RNF41: variants seen among roughly 807,000 people sequenced by gnomAD.
RNF41 encodes the protein E3 ubiquitin-protein ligase NRDP1.
Under a neutral mutation model 33.0 loss-of-function variants are expected in RNF41, and 4 were observed. That is an observed-to-expected ratio of 0.12 (90% CI 0.06 to 0.28). The LOEUF (loss-of-function observed/expected upper bound fraction) is 0.28. Ranked by LOEUF, RNF41 falls within the 10% of genes least tolerant of loss-of-function variation. The pLI is 1.00. For synonymous variants in RNF41, 164 were observed against 153.2 expected (o/e 1.07, Z -0.52); for missense variants, 228 against 432.6 (o/e 0.53, Z 4.19).
At position 56,206,245 on chromosome 12, in the gene RNF41, T is replaced by G. The variant is rs1434180122; in HGVS notation, c.*202A>C. ...AATTTATAGACATTTTAGGGGAATATGGCAAAGGGAGGAAATCTGGGTTTC... is the reference window on the plus strand; with the variant it reads ...AATTTATAGACATTTTAGGGGAATAGGGCAAAGGGAGGAAATCTGGGTTTC... On this transcript the variant is annotated 3_prime_UTR_variant, in exon 7 of 7. Coordinates refer to ENST00000345093, the MANE Select transcript of RNF41 (RefSeq NM_005785.4). This position sits in a 1 kb window ranked among gnomAD's most constrained non-coding sequence, Gnocchi z 5.7. 3.1e-5 allele frequency: 18 copies of G among 575,340 alleles called. No homozygotes were observed. The East Asian group carries it at 4.8e-4, about 15-fold the overall frequency. The allele number at this position is 575,340 out of a possible 1,614,324, so 35.6% of individuals were successfully genotyped here. A position where few individuals can be genotyped will look rare whatever the true frequency, so the allele number is the denominator to read the frequency against.
At chr12:56,217,294 C>T (rs1868976670) in intron 1 of RNF41, among the ~76,000 whole-genome samples, 1 of 152,078 alleles carries the variant, frequency 6.6e-6, no homozygotes, top group Non-Finnish European at 1.5e-5. Context: ...CGCCTGTGAT[C>T]CCAGCACTTT....
chr12:56,214,435 A>C (rs374712154), intron 2 of RNF41, among the ~76,000 whole-genome samples: 6 of 151,540 alleles, frequency 4.0e-5, no homozygotes, highest in East Asian at 3.9e-4. Flanking sequence ...CAGGAGAAGC[A>C]TTTGAACCCA....
At chr12:56,214,828 TA>T (rs529496845) in intron 2 of RNF41, among the ~76,000 whole-genome samples, 17 of 146,442 alleles carry the variant, frequency 1.2e-4, no homozygotes, top group African/African-American at 2.3e-4. Context: ...GACTCTGCCT[TA>T]AAAAAAAAAG....
At chr12:56,220,214 T>G (rs1869261954) in intron 1 of RNF41, among the ~76,000 whole-genome samples, 1 of 151,516 alleles carries the variant, frequency 6.6e-6, no homozygotes, top group East Asian at 2.0e-4. Flanking sequence ...GTTTTGTTTT[T>G]TTTGGCGGGG....
rs930478175 is a variant in RNF41 at position 56,216,542 on chromosome 12, G to C, written c.-137C>G. On this transcript the variant is annotated 5_prime_UTR_variant, in exon 2 of 7. Coordinates refer to ENST00000345093, the MANE Select transcript of RNF41 (RefSeq NM_005785.4). ...TAACCCATCTTGTTGGCTATTCTCC[G>C]ACTGAGTATTCCTTCCCAGTGACAA... is the stretch of plus-strand genomic sequence containing the variant. The C allele has an allele frequency of 6.6e-6, 1 of 152,222 alleles. No individual in the cohort carries two copies. Among genetic ancestry groups the C allele is most frequent in the South Asian group, 2.1e-4 (1 of 4,832 alleles). 9.4% of individuals were successfully genotyped at this position (152,222 alleles called of 1,614,324 possible). A position where few individuals can be genotyped will look rare whatever the true frequency, so the allele number is the denominator to read the frequency against.
intron 1 of RNF41, among the ~76,000 whole-genome samples, chr12:56,221,304 A>T (rs1324247902): frequency 6.6e-6 from 1 of 152,066 alleles, no homozygotes; most frequent in African/African-American, 2.4e-5. Flanking sequence ...GCGGGGAAGG[A>T]ATGAGAGGAC....
At chr12:56,209,795 G>A (rs1039873542) in intron 4 of RNF41, among the ~76,000 whole-genome samples, 1 of 152,220 alleles carries the variant, frequency 6.6e-6, no homozygotes, top group Non-Finnish European at 1.5e-5. Context: ...GTAGAGACAA[G>A]GTTTTGCCAT....
At chr12:56,221,259 A>G (rs752192865) in intron 1 of RNF41, among the ~76,000 whole-genome samples, 2 of 152,202 alleles carry the variant, frequency 1.3e-5, no homozygotes, top group Admixed American at 6.5e-5. Context: ...GAAGAATGTG[A>G]GATTCCTTCA....
chr12:56,206,908 TC>T lies in RNF41; in HGVS notation c.603-111del. On this transcript the variant is annotated intron_variant, in intron 6 of 6. Coordinates refer to ENST00000345093, the MANE Select transcript of RNF41 (RefSeq NM_005785.4). This position sits in a 1 kb window ranked among gnomAD's most constrained non-coding sequence, Gnocchi z 5.7. ...ACTCTGCACTCAGCTTACCTATTCT[TC>T]CTTCTTTCCTTCCATCATTGGCTCA... 1 of 953,572 alleles carries T rather than the reference TC, an allele frequency of 1.0e-6. No homozygotes were observed. The highest frequency in any genetic ancestry group is 1.5e-6 in the Non-Finnish European group (1 of 655,270). The allele number at this position is 953,572 out of a possible 1,614,324, so 59.1% of individuals were successfully genotyped here.
chr12:56,206,368 G>A lies in RNF41; in HGVS notation c.*79C>T, dbSNP rs1254853867. On this transcript the variant is annotated 3_prime_UTR_variant, in exon 7 of 7. Coordinates refer to ENST00000345093, the MANE Select transcript of RNF41 (RefSeq NM_005785.4). The surrounding 1 kb of genome is among the most constrained non-coding windows in gnomAD (Gnocchi z 5.7). ...TATAAGCCACAGTATTAAGAATGGT[G>A]GGTAGGACTCAGGTCCCAGCTGCTG... 8.3e-7 allele frequency: 1 copy of A among 1,209,838 alleles called. No homozygotes were observed. Among genetic ancestry groups the A allele is most frequent in the African/African-American group, 1.5e-5 (1 of 66,360 alleles). The allele number at this position is 1,209,838 out of a possible 1,614,324, so 74.9% of individuals were successfully genotyped here. A position where few individuals can be genotyped will look rare whatever the true frequency, so the allele number is the denominator to read the frequency against.
intron 3 of RNF41, among the ~76,000 whole-genome samples, chr12:56,212,808 C>T (rs1868574892): frequency 6.6e-6 from 1 of 152,056 alleles, no homozygotes; most frequent in African/African-American, 2.4e-5. Flanking sequence ...GTTAGGTGAG[C>T]AGTGAATGGG....
chr12:56,206,160 G>T lies in RNF41; in HGVS notation c.*287C>A, dbSNP rs1868261900. The T allele has an allele frequency of 2.7e-6, 1 of 367,562 alleles. No individual in the cohort carries two copies. Among genetic ancestry groups the T allele is most frequent in the East Asian group, 5.1e-5 (1 of 19,638 alleles). The allele number at this position is 367,562 out of a possible 1,614,324, so 22.8% of individuals were successfully genotyped here. A position where few individuals can be genotyped will look rare whatever the true frequency, so the allele number is the denominator to read the frequency against. ...TCTTTGTGCTTTCTGAAAATAACTG[G>T]AACCAGGGACCCTAAGCAGGAAAAT... On this transcript the variant is annotated 3_prime_UTR_variant, in exon 7 of 7. Transcript: ENST00000345093. The surrounding 1 kb of genome is among the most constrained non-coding windows in gnomAD (Gnocchi z 5.7).
chr12:56,213,031 GGAT>G, intron 3 of RNF41: 1 of 1,289,738 alleles, frequency 7.8e-7, no homozygotes, highest in Non-Finnish European at 1.0e-6. Flanking sequence ...ACTTGCCCCA[GGAT>G]GATACAACTG....
chr12:56,210,705 T>C lies in RNF41; in HGVS notation c.91-137A>G, dbSNP rs7962107. On this transcript the variant is annotated intron_variant, in intron 3 of 6. Transcript: ENST00000345093. ...AGAGGTCCACTGGGTCACAGCAAAG[T>C]ATAGATCTACTACGGGCAAGGCATT... 0.012 allele frequency: 9,610 copies of C among 803,344 alleles called. 516 individuals are homozygous for C. The African/African-American group carries it at 0.13, about 11-fold the overall frequency. 49.8% of individuals were successfully genotyped at this position (803,344 alleles called of 1,614,324 possible). A position where few individuals can be genotyped will look rare whatever the true frequency, so the allele number is the denominator to read the frequency against.
intron 1 of RNF41, among the ~76,000 whole-genome samples, chr12:56,219,904 C>T (rs1240017239): frequency 6.6e-6 from 1 of 151,660 alleles, no homozygotes; most frequent in African/African-American, 2.4e-5. Flanking sequence ...GTAGTCCCGG[C>T]TACTGAGGAG....
At chr12:56,207,852 C>G in intron 5 of RNF41, 103 bp from the exon 6 acceptor site, 1 of 947,580 alleles carries the variant, frequency 1.1e-6, no homozygotes, top group Non-Finnish European at 1.7e-6. Flanking sequence ...TGAAGAACAA[C>G]CAGTTTGTAA....
intron 1 of RNF41, among the ~76,000 whole-genome samples, chr12:56,216,936 C>T (rs566229157): frequency 2.6e-4 from 39 of 150,772 alleles, no homozygotes; most frequent in African/African-American, 6.6e-4. Flanking sequence ...GTCAGGAGAT[C>T]AAGACCGTCC....
rs892392003 is a variant in RNF41 at position 56,206,590 on chromosome 12, A to G, written c.811T>C (p.Tyr271His). 6.2e-7 allele frequency: 1 copy of G among 1,614,166 alleles called. No individual in the cohort carries two copies. The highest frequency in any genetic ancestry group is 1.1e-5 in the South Asian group (1 of 91,088). Residue 271 changes from tyrosine to histidine, a missense_variant, in exon 7 of 7, where the codon TAC becomes CAC. Transcript: ENST00000345093. This position sits in a 1 kb window ranked among gnomAD's most constrained non-coding sequence, Gnocchi z 5.7. ...TLETRQMNRRYYENYVAKRIP... is the reference protein window; with the variant it reads ...TLETRQMNRRHYENYVAKRIP... ...CGCTTGGCCACGTAGTTCTCATAGT[A>G]GCGTCGGTTCATCTGTCTAGTCTCT...
At chr12:56,209,648 G>A (rs967409266) in intron 4 of RNF41, among the ~76,000 whole-genome samples, 5 of 152,074 alleles carry the variant, frequency 3.3e-5, no homozygotes, top group African/African-American at 7.2e-5. Flanking sequence ...TAGTAGAGAC[G>A]GGGTTTCAAT....
Sources: gnomAD v4.1 joint callset for allele counts (sites outside exome capture counted in the v4.1 genomes callset) on GRCh38, gnomAD v4.1.1 for gene constraint, Gnocchi (gnomAD v3.1) non-coding constraint, MANE v1.5 for transcripts, NCBI Gene and HGNC (gene_info 2026-07-23, HGNC 2026-07-21) for gene names.